Variants in SLC35D4 observed in about 807,000 individuals in gnomAD.
SLC35D4 encodes UDP-N-acetylglucosamine transporter SLC35D4.
At chr18:23,371,095 CTCTCTCTT>C in the SLC35D4 span, among the ~76,000 whole-genome samples, 1 of 135,924 alleles carries the variant, frequency 7.4e-6, no homozygotes, top group Non-Finnish European at 1.7e-5. Flanking sequence ...CCCTCTCTCT[CTCTCTCTT>C]TCTTTTTTTT....
At chr18:23,280,167 T>A in the SLC35D4 span, among the ~76,000 whole-genome samples, 1 of 151,838 alleles carries the variant, frequency 6.6e-6, no homozygotes. Flanking sequence ...GCAGCGGGGC[T>A]GAGCTTGTGC....
the SLC35D4 span, among the ~76,000 whole-genome samples, chr18:23,308,843 G>A: frequency 4.3e-5 from 6 of 138,096 alleles, no homozygotes; most frequent in South Asian, 4.9e-4. Flanking sequence ...AACACAGCAC[G>A]TGTTTTCTCT....
At chr18:23,317,308 G>A in the SLC35D4 span, among the ~76,000 whole-genome samples, 2 of 152,148 alleles carry the variant, frequency 1.3e-5, no homozygotes, top group Non-Finnish European at 2.9e-5. Flanking sequence ...TCTGATTATT[G>A]CTATGTTCCT....
chr18:23,323,224 T>C, the SLC35D4 span, among the ~76,000 whole-genome samples: 2 of 152,256 alleles, frequency 1.3e-5, no homozygotes, highest in Admixed American at 1.3e-4. Context: ...TCCAAGGCTG[T>C]GAGGATTTGT....
chr18:23,297,105 C>G, the SLC35D4 span: 1 of 152,326 alleles, frequency 6.6e-6, no homozygotes, highest in East Asian at 1.9e-4. Flanking sequence ...AACATACAAC[C>G]AAGCCTCACC....
the SLC35D4 span, among the ~76,000 whole-genome samples, chr18:23,244,792 C>T: frequency 6.6e-6 from 1 of 152,208 alleles, no homozygotes; most frequent in African/African-American, 2.4e-5. Context: ...TGCCCCAGGT[C>T]TTACAGCTAG....
the SLC35D4 span, among the ~76,000 whole-genome samples, chr18:23,372,082 C>T: frequency 6.8e-6 from 1 of 147,928 alleles, no homozygotes; most frequent in Non-Finnish European, 1.5e-5. Context: ...ACTACAGGCG[C>T]CCGCCACTAC....
chr18:23,388,260 T>C, the SLC35D4 span, among the ~76,000 whole-genome samples: 1 of 152,194 alleles, frequency 6.6e-6, no homozygotes, highest in Non-Finnish European at 1.5e-5. Flanking sequence ...TATTTATACA[T>C]GTAGAATTAA....
chr18:23,371,214 C>T, the SLC35D4 span, among the ~76,000 whole-genome samples: 1 of 152,100 alleles, frequency 6.6e-6, no homozygotes, highest in Admixed American at 6.5e-5. Flanking sequence ...CCCACCTCAG[C>T]CTCCTGAGCA....
the SLC35D4 span, among the ~76,000 whole-genome samples, chr18:23,428,627 C>T: frequency 7.9e-5 from 12 of 152,248 alleles, no homozygotes; most frequent in Admixed American, 6.5e-4. Context: ...CAACAATCCT[C>T]CTGTCTCAAC....
chr18:23,435,749 G>A, the SLC35D4 span, among the ~76,000 whole-genome samples: 16 of 152,300 alleles, frequency 1.1e-4, no homozygotes, highest in African/African-American at 3.4e-4. Context: ...GGCTGCAGGC[G>A]CAGTGGCGTG....
the SLC35D4 span, among the ~76,000 whole-genome samples, chr18:23,268,344 C>T: frequency 6.6e-6 from 1 of 152,074 alleles, no homozygotes; most frequent in Non-Finnish European, 1.5e-5. Flanking sequence ...AGATCAGGAG[C>T]AAATATTTGG....
chr18:23,416,801 T>G, the SLC35D4 span, among the ~76,000 whole-genome samples: 2 of 152,226 alleles, frequency 1.3e-5, no homozygotes, highest in Non-Finnish European at 2.9e-5. Context: ...TATTCCGAGA[T>G]ACGTAGAACC....
At chr18:23,392,046 T>A in the SLC35D4 span, among the ~76,000 whole-genome samples, 1 of 151,980 alleles carries the variant, frequency 6.6e-6, no homozygotes, top group Non-Finnish European at 1.5e-5. Context: ...CAAGCGATTC[T>A]CCTGCCTCAC....
chr18:23,356,559 A>T, the SLC35D4 span: 1 of 1,609,234 alleles, frequency 6.2e-7, no homozygotes. This position sits in a 1 kb window ranked among gnomAD's most constrained non-coding sequence, Gnocchi z 4.1. Flanking sequence ...AGCGGACAGC[A>T]CAGAAAGCAT....
the SLC35D4 span, among the ~76,000 whole-genome samples, chr18:23,326,992 G>T: frequency 7.2e-5 from 11 of 152,206 alleles, no homozygotes; most frequent in African/African-American, 2.7e-4. Context: ...GATGTGCTTT[G>T]AAACCAATAA....
At chr18:23,384,926 A>G in the SLC35D4 span, 3 of 1,506,604 alleles carry the variant, frequency 2.0e-6, no homozygotes, top group East Asian at 6.8e-5. Flanking sequence ...GGCCATAAAA[A>G]GAAGAGTACT....
chr18:23,326,356 A>T, the SLC35D4 span, among the ~76,000 whole-genome samples: 2 of 152,228 alleles, frequency 1.3e-5, no homozygotes, highest in African/African-American at 4.8e-5. Flanking sequence ...GGATGCAGGA[A>T]GATCTACCAA....
At chr18:23,320,055 A>G in the SLC35D4 span, among the ~76,000 whole-genome samples, 1 of 91,372 alleles carries the variant, frequency 1.1e-5, no homozygotes, top group South Asian at 4.0e-4. Flanking sequence ...GAATAGTTTT[A>G]CAAAATTCTC....
Sources: allele counts gnomAD v4.1 joint callset (sites outside exome capture counted in the v4.1 genomes callset), GRCh38; gene constraint gnomAD v4.1.1; non-coding constraint Gnocchi (gnomAD v3.1); transcripts MANE v1.5; gene names NCBI Gene and HGNC (gene_info 2026-07-23, HGNC 2026-07-21).